Variants in KLRD1 observed in about 807,000 individuals in gnomAD.
KLRD1 encodes natural killer cells antigen CD94.
In KLRD1, 21 loss-of-function variants were observed where a neutral mutation model predicts 22.6. The observed-to-expected ratio is 0.93, with a 90% CI of 0.66 to 1.34. The LOEUF is 1.34. KLRD1 is among the 40% of genes most tolerant of loss of function. The pLI, the probability that KLRD1 is intolerant of heterozygous loss-of-function variation, is 0.00. For missense variants in KLRD1, 183 were observed against 208.6 expected, an observed-to-expected ratio of 0.88 and a Z score of 0.76; for synonymous variants, 59 against 71.1, an observed-to-expected ratio of 0.83 and a Z score of 0.85.
intron 1 of KLRD1, among the ~76,000 whole-genome samples, chr12:10,293,500 C>T (rs1949795890): frequency 6.6e-6 from 1 of 151,982 alleles, no homozygotes. Context: ...GCCGTCATAA[C>T]ACTTACATTC....
At position 10,319,750 on chromosome 12, in the gene KLRD1, C is replaced by CGT. The variant is rs1950293517; in HGVS notation, c.*4957_*4958insGT. The CGT allele has an allele frequency of 1.3e-5, 2 of 152,274 alleles. No individual in the cohort carries two copies. The highest frequency in any genetic ancestry group is 4.2e-4 in the South Asian group (2 of 4,810). 9.4% of individuals were successfully genotyped at this position (152,274 alleles called of 1,614,324 possible). On this transcript the variant is annotated 3_prime_UTR_variant, in exon 6 of 6. Coordinates refer to ENST00000336164, the MANE Select transcript of KLRD1 (RefSeq NM_002262.5). ...GTCAAGCCTTCAGATGATTACAGCC[C>CGT]CCAGCCAACACCTTGACGGCAACCT...
intron 1 of KLRD1, among the ~76,000 whole-genome samples, chr12:10,281,566 C>T (rs374897544): frequency 1.3e-5 from 2 of 152,060 alleles, no homozygotes; most frequent in Admixed American, 6.6e-5. Context: ...TGCAGGGCTC[C>T]GCAGGGATGT....
At chr12:10,298,740 G>C (rs909610147) in intron 1 of KLRD1, among the ~76,000 whole-genome samples, 2 of 152,194 alleles carry the variant, frequency 1.3e-5, no homozygotes, top group Admixed American at 1.3e-4. Context: ...CAGACCCATC[G>C]CTTTATTTCA....
At chr12:10,299,193 T>C (rs767696221) in intron 1 of KLRD1, among the ~76,000 whole-genome samples, 3 of 152,190 alleles carry the variant, frequency 2.0e-5, no homozygotes, top group Non-Finnish European at 4.4e-5. Context: ...TTTTTTTTTT[T>C]TAATTATGTT....
chr12:10,287,954 G>A (rs1949724533), intron 1 of KLRD1, among the ~76,000 whole-genome samples: 1 of 151,906 alleles, frequency 6.6e-6, no homozygotes, highest in South Asian at 2.1e-4. Flanking sequence ...TGTAGTCCCA[G>A]CTACTCAGGA....
At position 10,242,071 on chromosome 12, in the gene KLRD1, G is replaced by GTTTTTTTTTTTTT. The variant is rs72326980; in HGVS notation, c.-101+15845_-101+15857dup. Among the ~76,000 whole-genome samples, 4 of 99,396 alleles carry GTTTTTTTTTTTTT rather than the reference G, an allele frequency of 4.0e-5. 1 individual carries two copies. The highest frequency in any genetic ancestry group is 1.5e-4 in the Admixed American group (1 of 6,860). 65.2% of individuals were successfully genotyped at this position (99,396 alleles called of 152,430 possible). On this transcript the variant is annotated intron_variant, in intron 1 of 5. Transcript: ENST00000544747. ...GGATTTCTTTGTTACTGTTCTTGCT[G>GTTTTTTTTTTTTT]TTTTTTTTTTTTTTTTTTTCAGAGA...
Position 10,323,838 on chromosome 12 carries a change from A to AT in KLRD1, c.*9047dup, listed in dbSNP as rs1384455617. The AT allele has an allele frequency of 2.4e-5, 3 of 125,426 alleles. No individual in the cohort carries two copies. The highest frequency in any genetic ancestry group is 7.9e-5 in the Admixed American group (1 of 12,618). The allele number at this position is 125,426 out of a possible 1,614,324, so 7.8% of individuals were successfully genotyped here. Reference sequence around the variant, plus strand: ...ATGTTGATACATGTATCAATAGTTAATTCCCTTTTATTTCTTATTTCTTTC... The same window carrying AT: ...ATGTTGATACATGTATCAATAGTTAATTTCCCTTTTATTTCTTATTTCTTTC... On this transcript the variant is annotated 3_prime_UTR_variant, in exon 6 of 6. Coordinates refer to ENST00000336164, the MANE Select transcript of KLRD1 (RefSeq NM_002262.5).
At chr12:10,246,928 C>CTTTT (rs1208226436) in intron 1 of KLRD1, among the ~76,000 whole-genome samples, 43 of 129,674 alleles carry the variant, frequency 3.3e-4, no homozygotes, top group East Asian at 1.6e-3. Context: ...CTTTTCTTTT[C>CTTTT]TTTTCTTTTT....
chr12:10,313,262 A>C, intron 4 of KLRD1, 148 bp from the exon 5 acceptor site: 1 of 470,998 alleles, frequency 2.1e-6, no homozygotes, highest in Non-Finnish European at 3.8e-6. Context: ...TCTTGTGATT[A>C]TACCTTTTAA....
chr12:10,246,951 G>A (rs1412909909), intron 1 of KLRD1, among the ~76,000 whole-genome samples: 1 of 72,602 alleles, frequency 1.4e-5, no homozygotes, highest in African/African-American at 7.5e-5. Context: ...TTTTTTTTTT[G>A]AGATAGAGTC....
intron 1 of KLRD1, among the ~76,000 whole-genome samples, chr12:10,266,304 G>C (rs1949498305): frequency 6.6e-6 from 1 of 151,796 alleles, no homozygotes; most frequent in Non-Finnish European, 1.5e-5. Context: ...TGTATGAGAG[G>C]GTCCATTCTC....
intron 1 of KLRD1, among the ~76,000 whole-genome samples, chr12:10,278,215 C>G (rs1949608954): frequency 6.6e-6 from 1 of 152,176 alleles, no homozygotes; most frequent in African/African-American, 2.4e-5. Context: ...GTCCGTTGAG[C>G]CTCACTCTGT....
At chr12:10,242,462 G>C (rs1949250554) in intron 1 of KLRD1, among the ~76,000 whole-genome samples, 1 of 152,098 alleles carries the variant, frequency 6.6e-6, no homozygotes. Context: ...CCATCTGGTG[G>C]ATAGTGGATA....
chr12:10,312,534 A>C (rs1950106858), intron 4 of KLRD1, among the ~76,000 whole-genome samples: 1 of 151,036 alleles, frequency 6.6e-6, no homozygotes, highest in Non-Finnish European at 1.5e-5. Flanking sequence ...GCCCACAACC[A>C]CGCCCAGTTA....
At chr12:10,296,384 C>G (rs1280000335) in intron 1 of KLRD1, among the ~76,000 whole-genome samples, 1 of 151,972 alleles carries the variant, frequency 6.6e-6, no homozygotes, top group African/African-American at 2.4e-5. Flanking sequence ...GGCGTGGTGG[C>G]GGACACCTGT....
At position 10,324,818 on chromosome 12, in the gene KLRD1, GTATA is replaced by G. The variant is rs1555113906; in HGVS notation, c.*10047_*10050del. 1.4e-3 allele frequency: 106 copies of G among 74,154 alleles called. 1 individual carries two copies. The highest frequency in any genetic ancestry group is 3.2e-3 in the African/African-American group (76 of 23,590). The allele number at this position is 74,154 out of a possible 1,614,324, so 4.6% of individuals were successfully genotyped here. On this transcript the variant is annotated 3_prime_UTR_variant, in exon 6 of 6. Coordinates refer to ENST00000336164, the MANE Select transcript of KLRD1 (RefSeq NM_002262.5). ...AGTATATATGTATATGTGTGTGTGTGTATATATATATATATATATATATATTCAT... is the reference window on the plus strand; with the variant it reads ...AGTATATATGTATATGTGTGTGTGTGTATATATATATATATATATATTCAT...
upstream of KLRD1, among the ~76,000 whole-genome samples, chr12:10,306,842 G>T (rs181762445): frequency 1.3e-4 from 19 of 151,896 alleles, no homozygotes; most frequent in Non-Finnish European, 2.4e-4. Flanking sequence ...AAACTGAGAA[G>T]TCAAAGTAGT....
chr12:10,305,900 C>T (rs892572605), upstream of KLRD1, among the ~76,000 whole-genome samples: 3 of 152,048 alleles, frequency 2.0e-5, no homozygotes, highest in Non-Finnish European at 4.4e-5. Flanking sequence ...CGGTGGCTCA[C>T]GCCTGTAATC....
intron 1 of KLRD1, among the ~76,000 whole-genome samples, chr12:10,254,990 A>G (rs1457650342): frequency 6.7e-6 from 1 of 150,130 alleles, no homozygotes; most frequent in Admixed American, 6.6e-5. Context: ...AGCACATGAA[A>G]AAAGCTCAAC....
Sources: gnomAD v4.1 joint callset for allele counts (sites outside exome capture counted in the v4.1 genomes callset) on GRCh38, gnomAD v4.1.1 for gene constraint, MANE v1.5 for transcripts, NCBI Gene and HGNC (gene_info 2026-07-23, HGNC 2026-07-21) for gene names.